Variants in AMOTL1 observed in about 807,000 individuals in gnomAD.
AMOTL1 encodes angiomotin like 1.
In AMOTL1, 45 loss-of-function variants were observed where a neutral mutation model predicts 102.9. That is an observed-to-expected ratio of 0.44 (90% CI 0.34 to 0.56). The LOEUF (loss-of-function observed/expected upper bound fraction) is 0.56. Among genes scored for constraint, AMOTL1 ranks in the 20% least tolerant of loss-of-function variants. The pLI, the probability that AMOTL1 is intolerant of heterozygous loss-of-function variation, is 0.01. For missense variants in AMOTL1, 1,114 were observed against 1,225.6 expected (o/e 0.91, Z 1.36); for synonymous variants, 481 against 484.7 (o/e 0.99, Z 0.10).
chr11:94,797,890 G>A (rs1187495474), intron 2 of AMOTL1, among the ~76,000 whole-genome samples: 1 of 152,178 alleles, frequency 6.6e-6, no homozygotes, highest in Admixed American at 6.5e-5. Context: ...GTTTCATCCT[G>A]TAATTGATTA....
At chr11:94,836,961 T>G (rs1952196034) in intron 6 of AMOTL1, among the ~76,000 whole-genome samples, 1 of 152,016 alleles carries the variant, frequency 6.6e-6, no homozygotes, top group African/African-American at 2.4e-5. Context: ...ACTGGCCAGG[T>G]GCTCACACCA....
intron 9 of AMOTL1, among the ~76,000 whole-genome samples, chr11:94,863,002 A>G (rs182008889): frequency 3.3e-5 from 5 of 152,296 alleles, no homozygotes; most frequent in Non-Finnish European, 4.4e-5. Flanking sequence ...TTGCAGGAGT[A>G]TAGAGCGATG....
intron 8 of AMOTL1, among the ~76,000 whole-genome samples, chr11:94,858,897 G>A (rs117882490): frequency 0.028 from 4,190 of 152,266 alleles, 76 homozygotes; most frequent in Middle Eastern, 0.051. Flanking sequence ...AGATGAAAAG[G>A]CCGAAAAATG....
At chr11:94,837,600 G>A (rs1341211842) in intron 6 of AMOTL1, among the ~76,000 whole-genome samples, 6 of 152,170 alleles carry the variant, frequency 3.9e-5, no homozygotes, top group African/African-American at 2.4e-5. Flanking sequence ...CCAGAAGTGC[G>A]CACAGCCTGC....
At chr11:94,864,663 T>C in intron 9 of AMOTL1, 72 bp from the exon 10 acceptor site, 1 of 1,561,280 alleles carries the variant, frequency 6.4e-7, no homozygotes, top group South Asian at 1.2e-5. Context: ...AGCCTCTCCA[T>C]TCTGTGTCTG....
intron 3 of AMOTL1, among the ~76,000 whole-genome samples, chr11:94,763,018 CT>C (rs1422247976): frequency 6.6e-6 from 1 of 152,134 alleles, no homozygotes; most frequent in East Asian, 1.9e-4. Flanking sequence ...TGTTGGGAAA[CT>C]TTTTTCATAA....
rs111907230 is a variant in AMOTL1 at position 94,840,681 on chromosome 11, TACAC to T, written c.1648+9164_1648+9167del. On this transcript the variant is annotated intron_variant, in intron 6 of 12. Transcript: ENST00000433060. ...ATATATATATATATATATATATATA[TACAC>T]ACACACACACACACACACACACATA... is the stretch of plus-strand genomic sequence containing the variant. Among the ~76,000 whole-genome samples, 996 of 104,642 alleles carry T rather than the reference TACAC, an allele frequency of 9.5e-3. 11 individuals carry two copies. Among genetic ancestry groups the T allele is most frequent in the East Asian group, 0.045 (124 of 2,776 alleles). 68.6% of individuals were successfully genotyped at this position (104,642 alleles called of 152,430 possible).
intron 3 of AMOTL1, among the ~76,000 whole-genome samples, chr11:94,808,508 C>T (rs2135590862): frequency 6.6e-6 from 1 of 152,066 alleles, no homozygotes; most frequent in East Asian, 1.9e-4. Context: ...TACATATTAG[C>T]CTAATAGCCC....
chr11:94,857,554 G>GTGAAAGAGAAAAAAGA (rs1452763870), intron 8 of AMOTL1, among the ~76,000 whole-genome samples: 1 of 152,088 alleles, frequency 6.6e-6, no homozygotes, highest in African/African-American at 2.4e-5. Context: ...TGGGAGGGAA[G>GTGAAAGAGAAAAAAGA]TGAAAGAGAA....
At chr11:94,739,796 A>G (rs116820608) in intron 2 of AMOTL1, among the ~76,000 whole-genome samples, 52 of 152,328 alleles carry the variant, frequency 3.4e-4, no homozygotes, top group African/African-American at 1.2e-3. Context: ...AATGCAGAGC[A>G]GTCACAGTCA....
Position 94,745,821 on chromosome 11 carries a change from C to T in AMOTL1, c.136+4833C>T, listed in dbSNP as rs1367631954. Among the ~76,000 whole-genome samples the T allele has an allele frequency of 1.3e-5, 2 of 152,022 alleles. 1 individual carries two copies. Among genetic ancestry groups the T allele is most frequent in the South Asian group, 4.2e-4 (2 of 4,814 alleles). On this transcript the variant is annotated intron_variant, in intron 3 of 4. Transcript: ENST00000299004. ...GATTGAAGGATAAAATAGCTTTTAC[C>T]AGTTATCCCACCTACTAATCAAGCG... is the stretch of plus-strand genomic sequence containing the variant.
chr11:94,746,524 C>T (rs1950592033), intron 3 of AMOTL1, among the ~76,000 whole-genome samples: 1 of 152,200 alleles, frequency 6.6e-6, no homozygotes, highest in African/African-American at 2.4e-5. Flanking sequence ...CAATCCTCTA[C>T]ATTCAGCTTG....
At chr11:94,798,153 A>G (rs753693467) in intron 2 of AMOTL1, among the ~76,000 whole-genome samples, 3 of 152,206 alleles carry the variant, frequency 2.0e-5, no homozygotes, top group South Asian at 2.1e-4. Flanking sequence ...GGCCTCGGCA[A>G]TTTACCTTCT....
At chr11:94,717,799 A>T (rs1167310062) in intron 1 of AMOTL1, among the ~76,000 whole-genome samples, 1 of 151,884 alleles carries the variant, frequency 6.6e-6, no homozygotes, top group Non-Finnish European at 1.5e-5. Flanking sequence ...TACTTTAAAA[A>T]TTTTAAATAG....
At chr11:94,869,506 A>C (rs199879262) in intron 12 of AMOTL1, 33 bp downstream of exon 12, 26 of 1,554,866 alleles carry the variant, frequency 1.7e-5, no homozygotes, top group Non-Finnish European at 2.2e-5. Context: ...ATGCCCCTGA[A>C]AACTGTGGAA....
intron 3 of AMOTL1, among the ~76,000 whole-genome samples, chr11:94,815,688 A>G (rs1215827640): frequency 6.6e-6 from 1 of 152,142 alleles, no homozygotes; most frequent in Admixed American, 6.5e-5. Flanking sequence ...AGTTATTTAT[A>G]AAACAAGGTA....
At chr11:94,795,457 TC>T (rs947582033) in intron 2 of AMOTL1, among the ~76,000 whole-genome samples, 2 of 152,220 alleles carry the variant, frequency 1.3e-5, no homozygotes, top group African/African-American at 4.8e-5. Flanking sequence ...AATACTTTTT[TC>T]TCCCCTTTCT....
At chr11:94,738,370 G>A (rs1950466654) in intron 2 of AMOTL1, among the ~76,000 whole-genome samples, 1 of 151,636 alleles carries the variant, frequency 6.6e-6, no homozygotes, top group Non-Finnish European at 1.5e-5. Flanking sequence ...CGATTCTCCT[G>A]CCTCAGCCTC....
At chr11:94,788,222 A>C (rs75291376) in intron 1 of AMOTL1, among the ~76,000 whole-genome samples, 2 of 152,200 alleles carry the variant, frequency 1.3e-5, no homozygotes, top group Non-Finnish European at 2.9e-5. Flanking sequence ...TTAGGTGACT[A>C]TCAGGAAGGG....
Sources: allele counts gnomAD v4.1 joint callset (sites outside exome capture counted in the v4.1 genomes callset), GRCh38; gene constraint gnomAD v4.1.1; transcripts MANE v1.5; gene names NCBI Gene and HGNC (gene_info 2026-07-23, HGNC 2026-07-21).